The following GPM6A variants were observed in gnomAD, a reference collection of about 807,000 sequenced individuals.
GPM6A encodes neuronal membrane glycoprotein M6-a.
A neutral mutation model predicts 32.1 loss-of-function variants in GPM6A; 7 were observed. That is an observed-to-expected ratio of 0.22 (90% CI 0.12 to 0.41). The LOEUF (loss-of-function observed/expected upper bound fraction) is 0.41, where lower values mean the gene tolerates loss of function less well. Among genes scored for constraint, GPM6A ranks in the 10% least tolerant of loss-of-function variants. The pLI is 1.00. For synonymous variants in GPM6A, 130 were observed against 123.4 expected (o/e 1.05, Z -0.35); for missense variants, 235 against 347.2 (o/e 0.68, Z 2.57).
intron 4 of GPM6A, among the ~76,000 whole-genome samples, chr4:175,650,051 G>A (rs1369629308): frequency 6.6e-6 from 1 of 152,048 alleles, no homozygotes; most frequent in Non-Finnish European, 1.5e-5. Context: ...TTTGCTGTGG[G>A]CTCCTTTTCC....
At chr4:175,911,541 T>G (rs190037573) in intron 1 of GPM6A, among the ~76,000 whole-genome samples, 1 of 152,266 alleles carries the variant, frequency 6.6e-6, no homozygotes, top group Non-Finnish European at 1.5e-5. Context: ...GTATCCCAAA[T>G]AAAGTGATTT....
intron 1 of GPM6A, among the ~76,000 whole-genome samples, chr4:175,736,513 T>A (rs1219932280): frequency 6.6e-6 from 1 of 152,212 alleles, no homozygotes; most frequent in African/African-American, 2.4e-5. Flanking sequence ...TTGAAAATAA[T>A]TGCAATTCTC....
At chr4:175,908,194 T>C (rs1738193214) in intron 1 of GPM6A, among the ~76,000 whole-genome samples, 1 of 152,224 alleles carries the variant, frequency 6.6e-6, no homozygotes, top group South Asian at 2.1e-4. Context: ...GTGATAATTT[T>C]TTAAAATGCA....
At chr4:175,714,399 T>C (rs1437457812) in intron 1 of GPM6A, among the ~76,000 whole-genome samples, 2 of 152,152 alleles carry the variant, frequency 1.3e-5, no homozygotes, top group Non-Finnish European at 2.9e-5. Flanking sequence ...ATTTTTATAT[T>C]TTAGAGGCAG....
intron 1 of GPM6A, among the ~76,000 whole-genome samples, chr4:175,789,461 T>C (rs1182142865): frequency 1.3e-5 from 2 of 152,190 alleles, no homozygotes; most frequent in Non-Finnish European, 2.9e-5. Flanking sequence ...ATCTTGTTTT[T>C]ATTATTTTAT....
chr4:175,896,605 GGCTTCTGTTTCTGTTTTCT>G (rs1737800728), intron 1 of GPM6A, among the ~76,000 whole-genome samples: 1 of 152,050 alleles, frequency 6.6e-6, no homozygotes, highest in Admixed American at 6.6e-5. Context: ...AACTCCAAAA[GGCTTCTGTTTCTGTTTTCT>G]GCTTCTGTTT....
Position 175,731,039 on chromosome 4 carries a change from T to A in GPM6A, c.38-29272A>T, listed in dbSNP as rs146322855. Among the ~76,000 whole-genome samples the A allele has an allele frequency of 1.3e-4, 20 of 152,294 alleles. No individual in the cohort carries two copies. The East Asian group carries it at 3.7e-3, about 28-fold the overall frequency. ...GACCATTCAAAGGGAACTTAGTGGG[T>A]CTGATTGCATCTCCATTGGCCCATT... is the stretch of plus-strand genomic sequence containing the variant. On this transcript the variant is annotated intron_variant, in intron 1 of 6. Transcript: ENST00000393658.
intron 1 of GPM6A, among the ~76,000 whole-genome samples, chr4:175,946,291 T>C (rs73873504): frequency 0.06 from 9,087 of 152,202 alleles, 850 homozygotes; most frequent in African/African-American, 0.2. Flanking sequence ...CAAATAACAC[T>C]GATTAGTTAA....
At chr4:175,649,764 G>T (rs1489545915) in intron 4 of GPM6A, among the ~76,000 whole-genome samples, 1 of 152,124 alleles carries the variant, frequency 6.6e-6, no homozygotes, top group African/African-American at 2.4e-5. Context: ...AGTTAAACCT[G>T]AATTTCAGAT....
At chr4:175,691,012 A>G (rs1438626730) in intron 2 of GPM6A, among the ~76,000 whole-genome samples, 1 of 152,256 alleles carries the variant, frequency 6.6e-6, no homozygotes, top group Non-Finnish European at 1.5e-5. Flanking sequence ...CATTTAAATT[A>G]TAATAAACCT....
At chr4:175,941,340 A>G (rs1329339279) in intron 1 of GPM6A, among the ~76,000 whole-genome samples, 1 of 152,194 alleles carries the variant, frequency 6.6e-6, no homozygotes, top group Non-Finnish European at 1.5e-5. Flanking sequence ...CATCTTTTAA[A>G]AAAAATTTAT....
chr4:175,941,357 T>C lies in GPM6A; in HGVS notation c.-23+60952A>G, dbSNP rs1276185914. Among the ~76,000 whole-genome samples the C allele has an allele frequency of 9.8e-5, 15 of 152,320 alleles. No homozygotes were observed. The East Asian group carries it at 1.5e-3, about 16-fold the overall frequency. On this transcript the variant is annotated intron_variant, in intron 1 of 7. Transcript: ENST00000280187. ...TCTTTTAAAAAAAATTTATTAGTTA[T>C]TTTAACATCAATCCACTTTAGAAGC... is the stretch of plus-strand genomic sequence containing the variant.
At chr4:175,951,959 G>A (rs1183990348) in intron 1 of GPM6A, among the ~76,000 whole-genome samples, 1 of 152,254 alleles carries the variant, frequency 6.6e-6, no homozygotes, top group African/African-American at 2.4e-5. Context: ...CGGCTCTCCT[G>A]GGCTTGCAGC....
chr4:175,781,570 T>C (rs1468708097), intron 1 of GPM6A, among the ~76,000 whole-genome samples: 2 of 152,208 alleles, frequency 1.3e-5, no homozygotes, highest in South Asian at 2.1e-4. Context: ...CTTCTAACTA[T>C]GGGCATTCAC....
chr4:175,737,814 A>T (rs761879089), intron 1 of GPM6A, among the ~76,000 whole-genome samples: 13 of 152,156 alleles, frequency 8.5e-5, no homozygotes, highest in Admixed American at 1.3e-4. Context: ...GTTCTTTTTA[A>T]ACAACCAACT....
chr4:175,863,487 T>A (rs1285322470), intron 1 of GPM6A, among the ~76,000 whole-genome samples: 1 of 143,314 alleles, frequency 7.0e-6, no homozygotes, highest in Non-Finnish European at 1.6e-5. Context: ...CATTTATTAA[T>A]GGACTTTGTT....
At chr4:175,665,264 T>C (rs1295849231) in intron 3 of GPM6A, among the ~76,000 whole-genome samples, 1 of 152,030 alleles carries the variant, frequency 6.6e-6, no homozygotes, top group Non-Finnish European at 1.5e-5. Flanking sequence ...TTCATCAATA[T>C]GTATAGCATG....
intron 1 of GPM6A, among the ~76,000 whole-genome samples, chr4:175,877,960 G>A (rs950753374): frequency 5.3e-5 from 8 of 152,130 alleles, no homozygotes; most frequent in Admixed American, 1.3e-4. Flanking sequence ...ACACTCACTC[G>A]AAATGGGAGA....
intron 2 of GPM6A, among the ~76,000 whole-genome samples, chr4:175,674,286 T>C (rs1743241622): frequency 6.6e-6 from 1 of 152,176 alleles, no homozygotes; most frequent in South Asian, 2.1e-4. Context: ...CAAGTGATTC[T>C]CCTGCCTCAG....
Sources: gnomAD v4.1 joint callset for allele counts (sites outside exome capture counted in the v4.1 genomes callset) on GRCh38, gnomAD v4.1.1 for gene constraint, MANE v1.5 for transcripts, NCBI Gene and HGNC (gene_info 2026-07-23, HGNC 2026-07-21) for gene names.